The following GABRB1 variants were observed in gnomAD, a reference collection of about 807,000 sequenced individuals.
GABRB1 encodes the protein gamma-aminobutyric acid type A receptor subunit beta1, also known as gamma-aminobutyric acid receptor subunit beta-1.
In GABRB1, 17 loss-of-function variants were observed where a neutral mutation model predicts 51.6. That is an observed-to-expected ratio of 0.33 (90% CI 0.23 to 0.49). GABRB1 has a LOEUF of 0.49. Among genes scored for constraint, GABRB1 ranks in the 20% least tolerant of loss-of-function variants. The pLI is 0.99. For missense variants in GABRB1, 410 were observed against 600.6 expected (o/e 0.68, Z 3.32); for synonymous variants, 247 against 218.9 (o/e 1.13, Z -1.14).
intron 5 of GABRB1, among the ~76,000 whole-genome samples, chr4:47,395,083 G>A (rs12374323): frequency 1.3e-5 from 2 of 152,082 alleles, no homozygotes. Flanking sequence ...GTGCACCCAG[G>A]CTACCTGATG....
At chr4:47,140,081 C>G (rs1227865965) in intron 3 of GABRB1, among the ~76,000 whole-genome samples, 5 of 140,194 alleles carry the variant, frequency 3.6e-5, no homozygotes, top group African/African-American at 5.4e-5. Flanking sequence ...TTCCTGGTAA[C>G]TAAATTAAAT....
At chr4:47,063,509 T>C (rs759700611) in intron 3 of GABRB1, among the ~76,000 whole-genome samples, 2 of 152,024 alleles carry the variant, frequency 1.3e-5, no homozygotes, top group African/African-American at 2.4e-5. Flanking sequence ...CACATAAATA[T>C]ATCCCACTAC....
chr4:47,107,354 A>G (rs926200037), intron 3 of GABRB1, among the ~76,000 whole-genome samples: 1 of 152,006 alleles, frequency 6.6e-6, no homozygotes, highest in African/African-American at 2.4e-5. Flanking sequence ...CCTCTACTTG[A>G]CACTTCTCTC....
At chr4:47,384,025 C>T (rs1019304738) in intron 5 of GABRB1, among the ~76,000 whole-genome samples, 2 of 152,036 alleles carry the variant, frequency 1.3e-5, no homozygotes, top group South Asian at 4.1e-4. Flanking sequence ...ATCTTGAGTG[C>T]CCTCTACAGG....
rs1481564793 is a variant in GABRB1 at position 47,403,912 on chromosome 4, A to AAAAC, written c.835+213_835+216dup. Among the ~76,000 whole-genome samples, 4 of 152,338 alleles carry AAAAC rather than the reference A, an allele frequency of 2.6e-5. 1 individual carries two copies. Among genetic ancestry groups the AAAAC allele is most frequent in the Middle Eastern group, 6.8e-3 (2 of 294 alleles). Reference sequence around the variant, plus strand: ...TGTACTGTCTTTTTAGCATTTTACCAAAACAAACAAACAAAAATCTTGGAA... The same window carrying AAAAC: ...TGTACTGTCTTTTTAGCATTTTACCAAAACAAACAAACAAACAAAAATCTTGGAA... On this transcript the variant is annotated intron_variant, in intron 7 of 8. Transcript: ENST00000295454.
chr4:47,403,529 T>C (rs372490325), intron 6 of GABRB1, 30 bp from the exon 7 acceptor site: 60 of 1,613,504 alleles, frequency 3.7e-5, no homozygotes, highest in Non-Finnish European at 5.0e-5. Flanking sequence ...AATAATGGTC[T>C]GATTACTTGT....
chr4:47,279,840 T>C (rs1723211808), intron 4 of GABRB1, among the ~76,000 whole-genome samples: 1 of 151,884 alleles, frequency 6.6e-6, no homozygotes, highest in Admixed American at 6.6e-5. Context: ...CTGAATATAG[T>C]TTGGTCTTTT....
intron 4 of GABRB1, among the ~76,000 whole-genome samples, chr4:47,220,533 A>G (rs889323244): frequency 1.3e-5 from 2 of 151,974 alleles, no homozygotes; most frequent in Non-Finnish European, 2.9e-5. Context: ...CCAATTTCTA[A>G]TGCCTATCTT....
At chr4:47,206,467 A>G (rs1284882536) in intron 4 of GABRB1, among the ~76,000 whole-genome samples, 5 of 151,944 alleles carry the variant, frequency 3.3e-5, no homozygotes, top group Admixed American at 2.6e-4. Context: ...GGCCAGTAAA[A>G]TATCTAGAGA....
At chr4:47,334,581 A>G (rs1725623930) in intron 5 of GABRB1, among the ~76,000 whole-genome samples, 1 of 152,180 alleles carries the variant, frequency 6.6e-6, no homozygotes, top group South Asian at 2.1e-4. Flanking sequence ...AATATTTTCT[A>G]TGTAGAAAGG....
At chr4:47,261,552 G>C (rs372152941) in intron 4 of GABRB1, among the ~76,000 whole-genome samples, 15 of 151,870 alleles carry the variant, frequency 9.9e-5, no homozygotes, top group Middle Eastern at 3.4e-3. Flanking sequence ...AGGATACAAA[G>C]AAATGGAAGA....
At chr4:47,328,098 A>G (rs905481611) in intron 5 of GABRB1, among the ~76,000 whole-genome samples, 1 of 152,158 alleles carries the variant, frequency 6.6e-6, no homozygotes, top group South Asian at 2.1e-4. Flanking sequence ...TTTTGGCTGC[A>G]TAAATGTCTT....
At chr4:47,045,911 G>C (rs1324712849) in intron 3 of GABRB1, among the ~76,000 whole-genome samples, 2 of 151,950 alleles carry the variant, frequency 1.3e-5, no homozygotes, top group African/African-American at 4.8e-5. Context: ...GCTTAATATG[G>C]TTTGGCTCTG....
intron 4 of GABRB1, among the ~76,000 whole-genome samples, chr4:47,256,188 G>A (rs989572541): frequency 1.3e-5 from 2 of 152,150 alleles, no homozygotes; most frequent in African/African-American, 4.8e-5. Context: ...ATTTAGTGAA[G>A]GGATAGAAAA....
At chr4:47,094,857 T>A (rs1200152910) in intron 3 of GABRB1, among the ~76,000 whole-genome samples, 1 of 152,072 alleles carries the variant, frequency 6.6e-6, no homozygotes. Flanking sequence ...AGTTGAGGTG[T>A]CCAAGCTTTA....
At chr4:47,341,583 A>G (rs185116580) in intron 5 of GABRB1, among the ~76,000 whole-genome samples, 1 of 152,316 alleles carries the variant, frequency 6.6e-6, no homozygotes, top group East Asian at 1.9e-4. Flanking sequence ...GTGTTCTTCT[A>G]CAGTATCACA....
At position 47,335,028 on chromosome 4, in the gene GABRB1, G is replaced by A. The variant is rs11939093; in HGVS notation, c.544+14819G>A. The stretch of plus-strand genomic sequence containing the variant: ...GTCAACAGTAGAAAAGTCCATCTTA[G>A]TCATTAGGCATATTTTTACAACTTA... On this transcript the variant is annotated intron_variant, in intron 5 of 8. Transcript: ENST00000295454. Among the ~76,000 whole-genome samples, 1,132 of 152,194 alleles carry A rather than the reference G, an allele frequency of 7.4e-3. 18 individuals carry two copies. Among genetic ancestry groups the A allele is most frequent in the African/African-American group, 0.026 (1,069 of 41,520 alleles).
At chr4:47,196,452 C>A (rs1361666700) in intron 4 of GABRB1, among the ~76,000 whole-genome samples, 1 of 152,132 alleles carries the variant, frequency 6.6e-6, no homozygotes, top group Non-Finnish European at 1.5e-5. Context: ...TGCCACAGGG[C>A]AGATCAGGTA....
intron 4 of GABRB1, among the ~76,000 whole-genome samples, chr4:47,168,534 G>A (rs1395685127): frequency 1.3e-5 from 2 of 151,920 alleles, no homozygotes; most frequent in African/African-American, 4.8e-5. Context: ...ATTAAGACTT[G>A]ATCAGATTTA....
Sources: gnomAD v4.1 joint callset for allele counts (sites outside exome capture counted in the v4.1 genomes callset) on GRCh38, gnomAD v4.1.1 for gene constraint, MANE v1.5 for transcripts, NCBI Gene and HGNC (gene_info 2026-07-23, HGNC 2026-07-21) for gene names.